The following ERICH1 variants were observed in gnomAD, a reference collection of about 807,000 sequenced individuals.
The protein encoded by ERICH1 is glutamate-rich protein 1.
A neutral mutation model predicts 39.6 loss-of-function variants in ERICH1; 56 were observed. That is an observed-to-expected ratio of 1.41 (90% CI 1.14 to 1.77). ERICH1 has a LOEUF of 1.77. Ranked by LOEUF, ERICH1 falls within the 40% of genes most tolerant of loss-of-function variation. The pLI is 0.00. For missense variants in ERICH1, 826 were observed against 575.4 expected (o/e 1.44, Z -4.45); for synonymous variants, 313 against 223.6 (o/e 1.40, Z -3.57).
intron 1 of ERICH1, among the ~76,000 whole-genome samples, chr8:722,979 C>G (rs1289558389): frequency 6.6e-6 from 1 of 152,208 alleles, no homozygotes; most frequent in African/African-American, 2.4e-5. Context: ...GTGTCCCCTC[C>G]AAATCCCATG....
chr8:685,490 A>G (rs1271294766), intron 3 of ERICH1, among the ~76,000 whole-genome samples: 1 of 152,250 alleles, frequency 6.6e-6, no homozygotes, highest in Non-Finnish European at 1.5e-5. Context: ...GGATTAAGAG[A>G]TTAAAGACAT....
chr8:643,894 C>G (rs1242294401), intron 3 of ERICH1, among the ~76,000 whole-genome samples: 1 of 152,226 alleles, frequency 6.6e-6, no homozygotes. Context: ...AAAAAGGAGG[C>G]ACGGACTCAG....
intron 3 of ERICH1, among the ~76,000 whole-genome samples, chr8:652,592 A>G (rs1260569633): frequency 1.3e-5 from 2 of 152,194 alleles, no homozygotes; most frequent in Non-Finnish European, 2.9e-5. Flanking sequence ...TCCTATGGTC[A>G]TTCAAAAGCT....
At chr8:666,111 A>G (rs980955830) in intron 5 of ERICH1, 1 of 152,220 alleles carries the variant, frequency 6.6e-6, no homozygotes, top group African/African-American at 2.4e-5. Context: ...CACACAGTTT[A>G]GTTCTATCAG....
chr8:634,979 C>T (rs1273488406), intron 3 of ERICH1, among the ~76,000 whole-genome samples: 3 of 152,118 alleles, frequency 2.0e-5, no homozygotes, highest in Non-Finnish European at 4.4e-5. Flanking sequence ...AAAGGGATCA[C>T]GGTGGCCGTC....
At chr8:730,468 T>A (rs1476971864) in intron 1 of ERICH1, among the ~76,000 whole-genome samples, 1 of 152,218 alleles carries the variant, frequency 6.6e-6, no homozygotes, top group Non-Finnish European at 1.5e-5. Context: ...AAACCGCCAC[T>A]CTTTTCATTA....
chr8:633,070 C>T (rs953952015), intron 3 of ERICH1, among the ~76,000 whole-genome samples: 2 of 151,614 alleles, frequency 1.3e-5, no homozygotes, highest in Non-Finnish European at 2.9e-5. Context: ...GGGGCCCGCG[C>T]GGGGCCGCCC....
chr8:626,309 G>C (rs950920419), intron 3 of ERICH1: 1 of 152,158 alleles, frequency 6.6e-6, no homozygotes, highest in Non-Finnish European at 1.5e-5. Flanking sequence ...GCCAACTATT[G>C]AGGACCTGGG....
intron 2 of ERICH1, among the ~76,000 whole-genome samples, chr8:710,900 G>C (rs372360264): frequency 2.3e-4 from 35 of 152,288 alleles, no homozygotes; most frequent in African/African-American, 7.9e-4. Flanking sequence ...CATAACTGCT[G>C]GATCCTACAG....
At position 630,906 on chromosome 8, in the gene ERICH1, A is replaced by C. The variant is rs553840614; in HGVS notation, c.977-15622T>G. ...GACCACCCACAGACAGAGCTGACTC[A>C]CACCCTCCCGTGACCACCCACACAG... is the stretch of plus-strand genomic sequence containing the variant. On this transcript the variant is annotated intron_variant, in intron 3 of 3. Coordinates refer to the ERICH1 transcript ENST00000522706. 2.7e-4 allele frequency among the ~76,000 whole-genome samples: 39 copies of C among 145,192 alleles called. 1 individual carries two copies. The South Asian group carries it at 8.4e-3, about 31-fold the overall frequency.
At chr8:706,572 G>C (rs561673612) in intron 2 of ERICH1, among the ~76,000 whole-genome samples, 1 of 152,114 alleles carries the variant, frequency 6.6e-6, no homozygotes, top group African/African-American at 2.4e-5. Context: ...TCGGGAGTTC[G>C]AGACCAGCCT....
chr8:710,037 C>G (rs1221104024), intron 2 of ERICH1, among the ~76,000 whole-genome samples: 1 of 152,166 alleles, frequency 6.6e-6, no homozygotes, highest in African/African-American at 2.4e-5. Context: ...GGATGGCCTG[C>G]TTCTTGTAAG....
At chr8:676,927 C>G (rs947650233) in intron 3 of ERICH1, among the ~76,000 whole-genome samples, 1 of 152,232 alleles carries the variant, frequency 6.6e-6, no homozygotes, top group African/African-American at 2.4e-5. Flanking sequence ...ACTGTAAGGG[C>G]AGATTCCCTA....
intron 2 of ERICH1, among the ~76,000 whole-genome samples, chr8:694,400 G>GT (rs1274576212): frequency 6.6e-6 from 1 of 152,194 alleles, no homozygotes; most frequent in Non-Finnish European, 1.5e-5. Context: ...ATCTTTCTTA[G>GT]TAAGAAAGTT....
chr8:638,680 G>A (rs1009129618), intron 3 of ERICH1, among the ~76,000 whole-genome samples: 1 of 152,292 alleles, frequency 6.6e-6, no homozygotes, highest in South Asian at 2.1e-4. Flanking sequence ...TGTGTCTCCT[G>A]CCTTATGATA....
chr8:680,396 CAG>C (rs915707123), intron 3 of ERICH1, among the ~76,000 whole-genome samples: 6 of 151,730 alleles, frequency 4.0e-5, no homozygotes, highest in Admixed American at 3.3e-4. Context: ...CCTGAAAACA[CAG>C]AAAGTCCAAG....
intron 2 of ERICH1, among the ~76,000 whole-genome samples, chr8:707,476 G>C (rs1813575296): frequency 6.6e-6 from 1 of 152,058 alleles, no homozygotes; most frequent in African/African-American, 2.4e-5. Context: ...CAAAGTGCTG[G>C]GACTACAGGT....
chr8:688,108 G>T (rs757601575), intron 3 of ERICH1, among the ~76,000 whole-genome samples: 2 of 152,194 alleles, frequency 1.3e-5, no homozygotes, highest in African/African-American at 2.4e-5. Flanking sequence ...GCAAAAACAC[G>T]GGAGACAGGA....
intron 3 of ERICH1, among the ~76,000 whole-genome samples, chr8:690,347 G>A (rs1479456219): frequency 6.6e-6 from 1 of 152,184 alleles, no homozygotes; most frequent in African/African-American, 2.4e-5. Flanking sequence ...CTGGCTTTTG[G>A]GCACAGGTCT....
Sources: allele counts gnomAD v4.1 joint callset (sites outside exome capture counted in the v4.1 genomes callset), GRCh38; gene constraint gnomAD v4.1.1; transcripts MANE v1.5; gene names NCBI Gene and HGNC (gene_info 2026-07-23, HGNC 2026-07-21).